Variants in BICD2 observed in about 807,000 individuals in gnomAD.
BICD2 encodes the protein protein bicaudal D homolog 2.
In BICD2, 25 loss-of-function variants were observed where a neutral mutation model predicts 72.9. That is an observed-to-expected ratio of 0.34 (90% CI 0.25 to 0.48). The LOEUF is 0.48. Ranked by LOEUF, BICD2 falls within the 20% of genes least tolerant of loss-of-function variation. The pLI is 0.99. For missense variants in BICD2, 894 were observed against 1,175.2 expected, an observed-to-expected ratio of 0.76 and a Z score of 3.50; for synonymous variants, 501 against 516.1, an observed-to-expected ratio of 0.97 and a Z score of 0.40.
At chr9:92,751,658 T>C (rs1367773678) in intron 1 of BICD2, among the ~76,000 whole-genome samples, 1 of 152,144 alleles carries the variant, frequency 6.6e-6, no homozygotes, top group Non-Finnish European at 1.5e-5. Context: ...AGTGGGAGGT[T>C]ACAGATAAGC....
chr9:92,712,754 TAAGAATA>T lies in BICD2; in HGVS notation c.*2393_*2399del, dbSNP rs1475793462. On this transcript the variant is annotated 3_prime_UTR_variant, in exon 7 of 7. Coordinates refer to ENST00000356884, the MANE Select transcript of BICD2 (RefSeq NM_001003800.2). ...TCTTCTTGTTACATTGAACTATTCC[TAAGAATA>T]ATAATAATACAATATGAAAAACCCC... 1 of 152,404 alleles carries T rather than the reference TAAGAATA, an allele frequency of 6.6e-6. No homozygotes were observed. The highest frequency in any genetic ancestry group is 1.5e-5 in the Non-Finnish European group (1 of 68,044). 9.4% of individuals were successfully genotyped at this position (152,404 alleles called of 1,614,324 possible).
intron 3 of BICD2, 125 bp downstream of exon 3, chr9:92,722,531 C>A (rs1383965588): frequency 3.5e-5 from 46 of 1,301,280 alleles, no homozygotes; most frequent in Non-Finnish European, 4.4e-5. Context: ...GTAAAGCTGG[C>A]CCTGGGCCTC....
rs546154669 is a variant in BICD2, at chr9:92,724,274, C to T, written c.454-1466G>A. Among the ~76,000 whole-genome samples the T allele has an allele frequency of 2.6e-5, 4 of 152,312 alleles. No homozygotes were observed. The South Asian group carries it at 8.3e-4, about 32-fold the overall frequency. ...CATGTGTGCACTCATCTGAATGGAA[C>T]ATACTTTATAGACAAGATTCCAAGA... is the stretch of plus-strand genomic sequence containing the variant. On this transcript the variant is annotated intron_variant, in intron 2 of 6. Transcript: ENST00000356884.
chr9:92,717,769 G>A (rs916266142), intron 6 of BICD2, 28 bp downstream of exon 6: 2 of 1,583,042 alleles, frequency 1.3e-6, no homozygotes, highest in African/African-American at 2.7e-5. Flanking sequence ...CCTTGTGGAA[G>A]GGGAGGGCCC....
intron 4 of BICD2, among the ~76,000 whole-genome samples, chr9:92,719,929 G>A (rs996873093): frequency 1.3e-5 from 2 of 152,188 alleles, no homozygotes; most frequent in Non-Finnish European, 1.5e-5. Context: ...CTGCTTCGGA[G>A]GACAGGACTC....
At position 92,764,493 on chromosome 9, in the gene BICD2, G is replaced by T; in HGVS notation, c.240+12C>A. 6.7e-7 allele frequency: 1 copy of T among 1,501,194 alleles called. No homozygotes were observed. The highest frequency in any genetic ancestry group is 1.3e-5 in the South Asian group (1 of 79,960). The allele number at this position is 1,501,194 out of a possible 1,614,324, so 93.0% of individuals were successfully genotyped here. On this transcript the variant is annotated intron_variant, in intron 1 of 6. Coordinates refer to ENST00000356884, the MANE Select transcript of BICD2 (RefSeq NM_001003800.2). This position sits in a 1 kb window ranked among gnomAD's most constrained non-coding sequence, Gnocchi z 5.5. ...CCGGGCGGGGGTCGCAGGGCAGGGCGGCTCGGCTCACCTCCTTGAGCTGCT... is the reference window on the plus strand; with the variant it reads ...CCGGGCGGGGGTCGCAGGGCAGGGCTGCTCGGCTCACCTCCTTGAGCTGCT...
At chr9:92,762,095 C>T (rs1442229818) in intron 1 of BICD2, among the ~76,000 whole-genome samples, 12 of 152,180 alleles carry the variant, frequency 7.9e-5, no homozygotes, top group Admixed American at 6.5e-4. Flanking sequence ...GAAGTACAAG[C>T]AACTCCATTT....
At chr9:92,745,851 C>T (rs1375471940) in intron 1 of BICD2, among the ~76,000 whole-genome samples, 2 of 152,166 alleles carry the variant, frequency 1.3e-5, no homozygotes, top group Non-Finnish European at 2.9e-5. Flanking sequence ...GGGCCTAGAC[C>T]CTGGCCCACA....
At chr9:92,739,730 A>G (rs931387304) in intron 1 of BICD2, among the ~76,000 whole-genome samples, 3 of 152,182 alleles carry the variant, frequency 2.0e-5, no homozygotes, top group Non-Finnish European at 4.4e-5. Flanking sequence ...TGCCCCCCCA[A>G]AACTGCCACA....
chr9:92,716,019 G>A (rs940679232), intron 6 of BICD2, among the ~76,000 whole-genome samples: 9 of 152,138 alleles, frequency 5.9e-5, no homozygotes, highest in East Asian at 1.9e-4. Context: ...CCTGAAACCC[G>A]GGTGCGGAGC....
chr9:92,715,838 G>A (rs986299696), intron 6 of BICD2, among the ~76,000 whole-genome samples: 2 of 152,318 alleles, frequency 1.3e-5, no homozygotes, highest in African/African-American at 4.8e-5. Context: ...CCCGCTTAAA[G>A]GCCTCGAGGT....
intron 2 of BICD2, among the ~76,000 whole-genome samples, chr9:92,724,840 C>T (rs1853533887): frequency 6.6e-6 from 1 of 152,206 alleles, no homozygotes; most frequent in Admixed American, 6.5e-5. Context: ...ACCTCTCTGC[C>T]AGAAAGGTTT....
Position 92,746,594 on chromosome 9 carries a change from G to T in BICD2, c.241-17358C>A, listed in dbSNP as rs562707363. 2.6e-5 allele frequency among the ~76,000 whole-genome samples: 4 copies of T among 151,516 alleles called. No homozygotes were observed. The South Asian group carries it at 8.4e-4, about 32-fold the overall frequency. On this transcript the variant is annotated intron_variant, in intron 1 of 6. Coordinates refer to ENST00000356884, the MANE Select transcript of BICD2 (RefSeq NM_001003800.2). ...ATGCCACATGTCCACGCCAAGTATG[G>T]TACATTCACAATGCCCAGCACCCAA...
chr9:92,726,249 T>A (rs1335616381), intron 2 of BICD2, among the ~76,000 whole-genome samples: 1 of 152,138 alleles, frequency 6.6e-6, no homozygotes, highest in Non-Finnish European at 1.5e-5. Context: ...ATCAGAACTG[T>A]CCAACACATG....
At chr9:92,750,327 C>T (rs1443088956) in intron 1 of BICD2, among the ~76,000 whole-genome samples, 3 of 152,140 alleles carry the variant, frequency 2.0e-5, no homozygotes, top group Non-Finnish European at 4.4e-5. Context: ...TAATTACCTG[C>T]ACTAGAACTT....
chr9:92,750,391 C>G (rs1854122735), intron 1 of BICD2, among the ~76,000 whole-genome samples: 1 of 151,542 alleles, frequency 6.6e-6, no homozygotes, highest in Non-Finnish European at 1.5e-5. Context: ...GTAGAAGCAA[C>G]TAAGATGTCT....
chr9:92,740,456 A>T (rs1587682821), intron 1 of BICD2, among the ~76,000 whole-genome samples: 1 of 152,122 alleles, frequency 6.6e-6, no homozygotes, highest in Non-Finnish European at 1.5e-5. Flanking sequence ...AAACAACGGG[A>T]AATCAAATAA....
intron 1 of BICD2, among the ~76,000 whole-genome samples, chr9:92,733,241 A>G (rs1853709970): frequency 6.6e-6 from 1 of 152,218 alleles, no homozygotes; most frequent in Admixed American, 6.5e-5. Context: ...ATTTGATGTC[A>G]AAGAATAGTT....
Position 92,720,681 on chromosome 9 carries a change from C to A in BICD2, c.681G>T (p.Glu227Asp), listed in dbSNP as rs1853447095. Residue 227 changes from glutamate to aspartate, a missense_variant, in exon 4 of 7, where the codon GAG becomes GAT. Glu to Asp is a conservative substitution (Grantham distance 45, BLOSUM62 2). Transcript: ENST00000356884. This position sits in a 1 kb window ranked among gnomAD's most constrained non-coding sequence, Gnocchi z 5.4. ...EETEYLNSQL[E>D]DAIRLKEISE... Reference sequence around the variant, plus strand: ...AGATCTCCTTGAGGCGGATGGCATCCTCCAGCTGGCTGTTGAGGTACTCGG... The same window carrying A: ...AGATCTCCTTGAGGCGGATGGCATCATCCAGCTGGCTGTTGAGGTACTCGG... The A allele has an allele frequency of 6.2e-7, 1 of 1,614,178 alleles. No individual in the cohort carries two copies. The highest frequency in any genetic ancestry group is 8.5e-7 in the Non-Finnish European group (1 of 1,180,040).
Sources: allele counts gnomAD v4.1 joint callset (sites outside exome capture counted in the v4.1 genomes callset), GRCh38; gene constraint gnomAD v4.1.1; non-coding constraint Gnocchi (gnomAD v3.1); transcripts MANE v1.5; gene names NCBI Gene and HGNC (gene_info 2026-07-23, HGNC 2026-07-21).